Variants in CRKL observed in about 807,000 individuals in gnomAD.
The protein encoded by CRKL is crk-like protein.
In CRKL, 3 loss-of-function variants were observed where a neutral mutation model predicts 23.0. The observed-to-expected ratio is 0.13, with a 90% CI of 0.06 to 0.34. The LOEUF (loss-of-function observed/expected upper bound fraction) is 0.34, where lower values mean the gene tolerates loss of function less well. Among genes scored for constraint, CRKL ranks in the 10% least tolerant of loss-of-function variants. The pLI is 1.00. For missense variants in CRKL, 256 were observed against 394.5 expected (o/e 0.65, Z 2.97); for synonymous variants, 188 against 160.7 (o/e 1.17, Z -1.28).
At chr22:20,940,566 CTTTTTTTTTT>C (rs55853175) in intron 2 of CRKL, among the ~76,000 whole-genome samples, 1 of 134,918 alleles carries the variant, frequency 7.4e-6, no homozygotes, top group African/African-American at 3.0e-5. Context: ...TTTGGTGCTC[CTTTTTTTTTT>C]TTTTTTTTTT....
Position 20,917,451 on chromosome 22 carries a change from T to G in CRKL, c.-484T>G, listed in dbSNP as rs1364113578. 1.3e-5 allele frequency: 3 copies of G among 229,296 alleles called. No homozygotes were observed. Among genetic ancestry groups the G allele is most frequent in the Admixed American group, 5.7e-5 (1 of 17,614 alleles). The allele number at this position is 229,296 out of a possible 1,614,324, so 14.2% of individuals were successfully genotyped here. ...CGGAGGGGGAGGTGGCTGCCGCTTC[T>G]CCCGCGTCCGCCATTTTGTTGCTGT... On this transcript the variant is annotated 5_prime_UTR_variant, in exon 1 of 3. Transcript: ENST00000354336.
chr22:20,920,962 T>A (rs549870058), intron 1 of CRKL, among the ~76,000 whole-genome samples: 37 of 152,342 alleles, frequency 2.4e-4, no homozygotes, highest in African/African-American at 8.4e-4. Context: ...CTGAAGGAGA[T>A]CACCATGCTG....
chr22:20,945,559 AG>A (rs1922028970), intron 2 of CRKL, among the ~76,000 whole-genome samples: 1 of 152,140 alleles, frequency 6.6e-6, no homozygotes, highest in Non-Finnish European at 1.5e-5. Context: ...ACTACTCTGA[AG>A]GATAGTGGTA....
rs1555918906 is a variant in CRKL, at chr22:20,927,128, A to AAAAG, written c.312-6648_312-6647insGAAA. On this transcript the variant is annotated intron_variant, in intron 1 of 2. Coordinates refer to ENST00000354336, the MANE Select transcript of CRKL (RefSeq NM_005207.4). ...CTCCGTCTCAAAAAAAAAAAAAAAAAAAAAAAAAGAATGGTGGTTAAAGCA... is the reference window on the plus strand; with the variant it reads ...CTCCGTCTCAAAAAAAAAAAAAAAAAAAAGAAAAAAAAGAATGGTGGTTAAAGCA... Among the ~76,000 whole-genome samples the AAAAG allele has an allele frequency of 1.5e-3, 187 of 125,818 alleles. 3 individuals carry two copies. Among genetic ancestry groups the AAAAG allele is most frequent in the African/African-American group, 5.3e-3 (180 of 33,982 alleles). The allele number at this position is 125,818 out of a possible 152,430, so 82.5% of individuals were successfully genotyped here. A position where few individuals can be genotyped will look rare whatever the true frequency, so the allele number is the denominator to read the frequency against.
At position 20,941,587 on chromosome 22, in the gene CRKL, TA is replaced by T. The variant is rs1290344004; in HGVS notation, c.777+7344del. 4.1e-3 allele frequency among the ~76,000 whole-genome samples: 288 copies of T among 70,616 alleles called. 30 individuals carry two copies. The highest frequency in any genetic ancestry group is 0.013 in the African/African-American group (249 of 19,488). The allele number at this position is 70,616 out of a possible 152,430, so 46.3% of individuals were successfully genotyped here. On this transcript the variant is annotated intron_variant, in intron 2 of 2. Coordinates refer to ENST00000354336, the MANE Select transcript of CRKL (RefSeq NM_005207.4). ...GTGTGTGTGTGTGTGTGTATATATA[TA>T]TTTTTTTTTTTTTTTTTTTTTTTTG...
At chr22:20,918,741 GCCA>G (rs1929784526) in intron 1 of CRKL, among the ~76,000 whole-genome samples, 1 of 152,112 alleles carries the variant, frequency 6.6e-6, no homozygotes, top group Admixed American at 6.5e-5. Context: ...ACTGGCTCAC[GCCA>G]CCACACCCAG....
chr22:20,927,233 C>T (rs1921253627), intron 1 of CRKL, among the ~76,000 whole-genome samples: 1 of 98,186 alleles, frequency 1.0e-5, no homozygotes, highest in Non-Finnish European at 1.8e-5. Flanking sequence ...CTCTGTCGCC[C>T]AGGCTGAAGT....
intron 1 of CRKL, among the ~76,000 whole-genome samples, chr22:20,928,483 AAAAC>A (rs1921314399): frequency 6.6e-6 from 1 of 151,918 alleles, no homozygotes; most frequent in South Asian, 2.1e-4. Flanking sequence ...CAAGCCAAAA[AAAAC>A]TATCATCTGT....
At position 20,952,253 on chromosome 22, in the gene CRKL, G is replaced by A; in HGVS notation, c.*2408G>A. On this transcript the variant is annotated 3_prime_UTR_variant, in exon 3 of 3. Coordinates refer to ENST00000354336, the MANE Select transcript of CRKL (RefSeq NM_005207.4). ...GAAGTCTGGCCATTTTGGAAAGCAA[G>A]GTTTCCTTTCAGCCCTGTCTACTGA... 1 of 230,486 alleles carries A rather than the reference G, an allele frequency of 4.3e-6. No homozygotes were observed. Among genetic ancestry groups the A allele is most frequent in the Admixed American group, 5.6e-5 (1 of 17,704 alleles). 14.3% of individuals were successfully genotyped at this position (230,486 alleles called of 1,614,324 possible). A position where few individuals can be genotyped will look rare whatever the true frequency, so the allele number is the denominator to read the frequency against.
intron 1 of CRKL, among the ~76,000 whole-genome samples, chr22:20,920,180 A>G (rs937815474): frequency 6.6e-6 from 1 of 152,160 alleles, no homozygotes; most frequent in Admixed American, 6.6e-5. Flanking sequence ...TGTTGAGGTC[A>G]TGAGTACTAA....
chr22:20,949,890 T>C lies in CRKL; in HGVS notation c.*45T>C, dbSNP rs2147918710. The C allele has an allele frequency of 6.4e-7, 1 of 1,573,360 alleles. No homozygotes were observed. Among genetic ancestry groups the C allele is most frequent in the Non-Finnish European group, 8.6e-7 (1 of 1,163,172 alleles). ...TGCTGCTTTGTTGTTCTGCCTGTCC[T>C]AGTCTCCTTTGAAGTGGGAAAGCAT... On this transcript the variant is annotated 3_prime_UTR_variant, in exon 3 of 3. Coordinates refer to ENST00000354336, the MANE Select transcript of CRKL (RefSeq NM_005207.4).
intron 1 of CRKL, among the ~76,000 whole-genome samples, chr22:20,927,444 G>A (rs1390339478): frequency 6.8e-6 from 1 of 148,106 alleles, no homozygotes; most frequent in African/African-American, 2.5e-5. Context: ...CAATTGCCTC[G>A]GCCCCCTAAT....
At chr22:20,937,023 A>G (rs764335751) in intron 2 of CRKL, among the ~76,000 whole-genome samples, 4 of 151,746 alleles carry the variant, frequency 2.6e-5, no homozygotes, top group Non-Finnish European at 4.4e-5. Context: ...ACCATACCCA[A>G]CTGTTTTTAG....
At chr22:20,931,609 C>A (rs1164070952) in intron 1 of CRKL, among the ~76,000 whole-genome samples, 1 of 152,076 alleles carries the variant, frequency 6.6e-6, no homozygotes, top group Non-Finnish European at 1.5e-5. Context: ...TAGAACCAGA[C>A]TCCCTGAGTG....
Position 20,918,240 on chromosome 22 carries a change from G to A in CRKL, c.306G>A (p.Ala102=). 6.2e-7 allele frequency: 1 copy of A among 1,613,458 alleles called. No individual in the cohort carries two copies. The highest frequency in any genetic ancestry group is 8.5e-7 in the Non-Finnish European group (1 of 1,179,870). ...YLDTTTLIEP[A]PRYPSPPMGS... ...ACACCACCACCCTCATCGAGCCTGC[G>A]CCCAGGTACGCGAGAGCCCTCCCCG... Residue 102 remains alanine, a synonymous_variant, in exon 1 of 3, where the codon GCG becomes GCA. Coordinates refer to ENST00000354336, the MANE Select transcript of CRKL (RefSeq NM_005207.4).
At chr22:20,930,308 A>G (rs962805460) in intron 1 of CRKL, among the ~76,000 whole-genome samples, 3 of 152,190 alleles carry the variant, frequency 2.0e-5, no homozygotes, top group Admixed American at 6.6e-5. Context: ...TCTCTGTCCA[A>G]CTACTCAACT....
In CRKL at chr22:20,951,926, C is replaced by G; in HGVS notation, c.*2081C>G. The G allele has an allele frequency of 4.5e-6, 1 of 223,222 alleles. No homozygotes were observed. The highest frequency in any genetic ancestry group is 1.8e-4 in the South Asian group (1 of 5,440). The allele number at this position is 223,222 out of a possible 1,614,324, so 13.8% of individuals were successfully genotyped here. A position where few individuals can be genotyped will look rare whatever the true frequency, so the allele number is the denominator to read the frequency against. On this transcript the variant is annotated 3_prime_UTR_variant, in exon 3 of 3. Transcript: ENST00000354336. ...GTGACCGCCTCCTGCTCTGCACGGT[C>G]TGCGGCAGTTGCCGCTTCTGGTTAG...
At chr22:20,928,103 G>C (rs911405403) in intron 1 of CRKL, among the ~76,000 whole-genome samples, 3 of 152,076 alleles carry the variant, frequency 2.0e-5, no homozygotes, top group Non-Finnish European at 4.4e-5. Flanking sequence ...GTTTTGGTGA[G>C]CTGAGATCAC....
intron 1 of CRKL, among the ~76,000 whole-genome samples, chr22:20,926,937 C>A (rs1021224603): frequency 6.6e-6 from 1 of 151,526 alleles, no homozygotes. Context: ...CACAGTGAAA[C>A]CCTGTCTCTA....
Sources: gnomAD v4.1 joint callset for allele counts (sites outside exome capture counted in the v4.1 genomes callset) on GRCh38, gnomAD v4.1.1 for gene constraint, MANE v1.5 for transcripts, NCBI Gene and HGNC (gene_info 2026-07-23, HGNC 2026-07-21) for gene names.